TEX9: variants seen among roughly 807,000 people sequenced by gnomAD.
TEX9 encodes testis expressed 9, also known as testis-expressed protein 9.
In TEX9, 74 loss-of-function variants were observed where a neutral mutation model predicts 59.6. That is an observed-to-expected ratio of 1.24 (90% CI 1.03 to 1.51). TEX9 has a LOEUF of 1.51. Among genes scored for constraint, TEX9 ranks in the 40% most tolerant of loss-of-function variants. TEX9 has a pLI of 0.00. For missense variants in TEX9, 522 were observed against 447.8 expected (o/e 1.17, Z -1.49); for synonymous variants, 186 against 152.2 (o/e 1.22, Z -1.64).
chr15:56,346,961 A>T, intron 1 of TEX9, among the ~76,000 whole-genome samples: 1 of 152,218 alleles, frequency 6.6e-6, no homozygotes, highest in East Asian at 1.9e-4. Context: ...AAGAGTAAAA[A>T]TATGATACCA....
At chr15:56,403,613 C>T (rs140097173) in intron 9 of TEX9, among the ~76,000 whole-genome samples, 2,652 of 152,330 alleles carry the variant, frequency 0.017, 36 homozygotes, top group Non-Finnish European at 0.026. Context: ...ACTTTCTTCA[C>T]AGAATTGGAA....
intron 1 of TEX9, among the ~76,000 whole-genome samples, chr15:56,261,469 G>C (rs2044264437): frequency 6.6e-6 from 1 of 151,824 alleles, no homozygotes; most frequent in African/African-American, 2.4e-5. Flanking sequence ...TGTAATCCTA[G>C]CACTTTGAGA....
chr15:56,254,724 G>A (rs994988049), intron 1 of TEX9, among the ~76,000 whole-genome samples: 1 of 151,280 alleles, frequency 6.6e-6, no homozygotes, highest in South Asian at 2.1e-4. Flanking sequence ...ATTTAAAAAA[G>A]ATGAATACAA....
chr15:56,327,997 A>C (rs1009352305), intron 1 of TEX9, among the ~76,000 whole-genome samples: 4 of 151,932 alleles, frequency 2.6e-5, no homozygotes, highest in African/African-American at 9.7e-5. Context: ...CTACTGAGAC[A>C]CCAGCCAGGG....
chr15:56,266,008 T>A (rs2044370999), intron 1 of TEX9, among the ~76,000 whole-genome samples: 1 of 152,236 alleles, frequency 6.6e-6, no homozygotes, highest in Admixed American at 6.5e-5. Flanking sequence ...TGGACTTATC[T>A]AATACCTTTT....
intron 10 of TEX9, among the ~76,000 whole-genome samples, chr15:56,416,289 GAC>G (rs2049682137): frequency 6.6e-6 from 1 of 151,844 alleles, no homozygotes; most frequent in South Asian, 2.1e-4. Flanking sequence ...CTTGTCATGT[GAC>G]AGTTTTCAAG....
intron 10 of TEX9, among the ~76,000 whole-genome samples, chr15:56,425,527 TTACTG>T (rs1364942527): frequency 6.6e-6 from 1 of 152,146 alleles, no homozygotes; most frequent in Non-Finnish European, 1.5e-5. Context: ...TTCCATTCAG[TTACTG>T]TATTTTTCAG....
At chr15:56,307,687 T>G (rs145957653) in intron 1 of TEX9, among the ~76,000 whole-genome samples, 53 of 152,292 alleles carry the variant, frequency 3.5e-4, no homozygotes, top group South Asian at 1.0e-3. Context: ...TTTAGGACAT[T>G]TTAATCACCC....
At chr15:56,376,508 G>A (rs1042000655) in intron 3 of TEX9, among the ~76,000 whole-genome samples, 5 of 152,092 alleles carry the variant, frequency 3.3e-5, no homozygotes, top group Non-Finnish European at 7.4e-5. Flanking sequence ...GATGATCATT[G>A]ATGTTGAACA....
At chr15:56,309,901 T>C (rs2045570994) in intron 1 of TEX9, among the ~76,000 whole-genome samples, 1 of 151,238 alleles carries the variant, frequency 6.6e-6, no homozygotes, top group Non-Finnish European at 1.5e-5. Context: ...AAGCTGGAGG[T>C]GGGCACTGGG....
chr15:56,388,217 A>C lies in TEX9; in HGVS notation c.264-255A>C, dbSNP rs187107560. On this transcript the variant is annotated intron_variant, in intron 4 of 12. Transcript: ENST00000352903. ...CAATTACTCTTTATGATTTCCATTC[A>C]TTAAAATTTTTGCTACATTTTCCTA... 8.1e-4 allele frequency among the ~76,000 whole-genome samples: 123 copies of C among 152,162 alleles called. 1 individual carries two copies. The highest frequency in any genetic ancestry group is 2.7e-3 in the African/African-American group (114 of 41,550).
chr15:56,388,538 C>A lies in TEX9; in HGVS notation c.312+18C>A, dbSNP rs189739621. The A allele has an allele frequency of 3.6e-5, 57 of 1,603,740 alleles. No homozygotes were observed. The highest frequency in any genetic ancestry group is 4.4e-5 in the Non-Finnish European group (52 of 1,171,736). On this transcript the variant is annotated intron_variant, in intron 5 of 12. Transcript: ENST00000352903. ...AAACTAAGGTATGAAATCAAACTTT[C>A]TGTGAATGCAATTATATTCTGTAGA...
chr15:56,258,970 A>T (rs1455497822), intron 1 of TEX9, among the ~76,000 whole-genome samples: 1 of 151,072 alleles, frequency 6.6e-6, no homozygotes, highest in Admixed American at 6.6e-5. Flanking sequence ...ATATATGCAT[A>T]TATAGCAAAT....
chr15:56,356,148 C>A (rs749430480), intron 1 of TEX9, among the ~76,000 whole-genome samples: 4 of 152,032 alleles, frequency 2.6e-5, no homozygotes, highest in Non-Finnish European at 5.9e-5. Flanking sequence ...CAAGGTGGAA[C>A]CTTCAGTTCT....
chr15:56,327,247 C>T (rs779706486), intron 1 of TEX9, among the ~76,000 whole-genome samples: 15 of 151,998 alleles, frequency 9.9e-5, no homozygotes, highest in Admixed American at 2.6e-4. Context: ...TGATATAGTA[C>T]GCCATAATTT....
chr15:56,245,906 G>A (rs1210057848), intron 1 of TEX9, among the ~76,000 whole-genome samples: 1 of 152,110 alleles, frequency 6.6e-6, no homozygotes, highest in Non-Finnish European at 1.5e-5. Context: ...TCACGTTGAG[G>A]AAAGTTGCCA....
At chr15:56,433,678 C>T (rs1453531682) in intron 12 of TEX9, among the ~76,000 whole-genome samples, 1 of 152,066 alleles carries the variant, frequency 6.6e-6, no homozygotes, top group East Asian at 1.9e-4. Flanking sequence ...TCACTTGAAT[C>T]GTCTTTCAAA....
chr15:56,427,769 T>TATTA (rs2050379642), intron 11 of TEX9, 30 bp downstream of exon 11: 1 of 1,409,274 alleles, frequency 7.1e-7, no homozygotes, highest in Non-Finnish European at 9.4e-7. Flanking sequence ...TAAATCATCA[T>TATTA]ATTATTTGTA....
chr15:56,268,902 A>T (rs2044455449), intron 1 of TEX9, among the ~76,000 whole-genome samples: 1 of 152,118 alleles, frequency 6.6e-6, no homozygotes, highest in African/African-American at 2.4e-5. Context: ...AAGGAATGGT[A>T]CCAGCTCCTT....
Sources: allele counts gnomAD v4.1 joint callset (sites outside exome capture counted in the v4.1 genomes callset), GRCh38; gene constraint gnomAD v4.1.1; transcripts MANE v1.5; gene names NCBI Gene and HGNC (gene_info 2026-07-23, HGNC 2026-07-21).